The following SLFN11 variants were observed in gnomAD, a reference collection of about 807,000 sequenced individuals.
The protein encoded by SLFN11 is schlafen family member 11.
In SLFN11, 43 loss-of-function variants were observed where a neutral mutation model predicts 53.4. The observed-to-expected ratio is 0.80, with a 90% CI of 0.63 to 1.04. SLFN11 has a LOEUF of 1.04. Ranked by LOEUF, SLFN11 falls within the 50% of genes least tolerant of loss-of-function variation. The pLI, the probability that SLFN11 is intolerant of heterozygous loss-of-function variation, is 0.00. For missense variants in SLFN11, 990 were observed against 1,079.1 expected (o/e 0.92, Z 1.16); for synonymous variants, 389 against 394.7 (o/e 0.99, Z 0.17).
At chr17:35,357,171 T>TGTGG (rs1206602325) in intron 5 of SLFN11, among the ~76,000 whole-genome samples, 1 of 149,532 alleles carries the variant, frequency 6.7e-6, no homozygotes, top group Non-Finnish European at 1.5e-5. Flanking sequence ...TGTGTGTGTG[T>TGTGG]GTGTGTCTGT....
Position 35,360,343 on chromosome 17 carries a change from T to A in SLFN11, c.1098A>T (p.Glu366Asp), listed in dbSNP as rs750124007. 1.2e-6 allele frequency: 2 copies of A among 1,607,972 alleles called. No individual in the cohort carries two copies. The highest frequency in any genetic ancestry group is 2.7e-5 in the African/African-American group (2 of 74,056). The change falls in exon 5 of 7, where the codon GAA becomes GAT. Residue 366 changes from glutamate (E) to aspartate (D), a missense_variant. By Grantham distance (45) the Glu-to-Asp change is conservative. Around this residue, in one of 3 missense-constraint regions of SLFN11, gnomAD observed 521 missense variants for 516.2 expected, o/e 1.01. Coordinates refer to ENST00000685675, the MANE Select transcript of SLFN11 (RefSeq NM_001376007.1). ...PDLLQLSEDF[E>D]CQLSLSSGPP... ...GCCCACTAGATAGACTCAGCTGACA[T>A]TCAAAATCTTCAGACAACTGTAGAA... is the stretch of plus-strand genomic sequence containing the variant.
intron 1 of SLFN11, among the ~76,000 whole-genome samples, chr17:35,370,965 AC>A (rs1260621365): frequency 6.6e-6 from 1 of 152,148 alleles, no homozygotes; most frequent in Non-Finnish European, 1.5e-5. Flanking sequence ...AATAGAAAAA[AC>A]AATCCTAAAA....
chr17:35,361,014 T>G (rs1489899977), intron 4 of SLFN11, among the ~76,000 whole-genome samples: 1 of 152,122 alleles, frequency 6.6e-6, no homozygotes, highest in Non-Finnish European at 1.5e-5. Context: ...CAAAGGACAT[T>G]ATAGAGTGCA....
intron 5 of SLFN11, among the ~76,000 whole-genome samples, chr17:35,357,893 T>C (rs1235142222): frequency 4.8e-5 from 7 of 146,220 alleles, no homozygotes; most frequent in Non-Finnish European, 1.1e-4. Flanking sequence ...TATATTATAG[T>C]TATATAATTA....
At chr17:35,365,178 C>A (rs754239786) in intron 3 of SLFN11, among the ~76,000 whole-genome samples, 1 of 152,044 alleles carries the variant, frequency 6.6e-6, no homozygotes, top group African/African-American at 2.4e-5. Flanking sequence ...GTAGGCTTAT[C>A]GCTTTGGTGG....
In SLFN11 at chr17:35,353,755, C is replaced by G; in HGVS notation, c.1503G>C (p.Met501Ile). 1 of 1,527,424 alleles carries G rather than the reference C, an allele frequency of 6.5e-7. No homozygotes were observed. The highest frequency in any genetic ancestry group is 8.8e-7 in the Non-Finnish European group (1 of 1,132,812). The allele number at this position is 1,527,424 out of a possible 1,614,324, so 94.6% of individuals were successfully genotyped here. A position where few individuals can be genotyped will look rare whatever the true frequency, so the allele number is the denominator to read the frequency against. Residue 501 changes from methionine to isoleucine, a missense_variant, in exon 6 of 7, where the codon ATG becomes ATC. Around this residue, in one of 3 missense-constraint regions of SLFN11, gnomAD observed 156 missense variants for 241.9 expected, o/e 0.64. Coordinates refer to ENST00000685675, the MANE Select transcript of SLFN11 (RefSeq NM_001376007.1). ...CACACACCTTCCCGGTGTAGCCCCC[C>G]ATGTTCACTAGCTTCTGCTTCAAAG... Reference protein sequence around the residue: ...AFTLKQKLVNMGGYTGKVCVR... With the variant: ...AFTLKQKLVNIGGYTGKVCVR...
intron 1 of SLFN11, among the ~76,000 whole-genome samples, chr17:35,369,271 C>T (rs527783291): frequency 2.9e-4 from 44 of 152,222 alleles, no homozygotes; most frequent in Non-Finnish European, 5.0e-4. Context: ...GCATTCACCA[C>T]CAGTTGACTA....
At chr17:35,359,860 A>G (rs1435241765) in intron 5 of SLFN11, among the ~76,000 whole-genome samples, 1 of 152,120 alleles carries the variant, frequency 6.6e-6, no homozygotes, top group Non-Finnish European at 1.5e-5. Flanking sequence ...TAAAATCATG[A>G]GGGTAGTTTG....
At position 35,352,228 on chromosome 17, in the gene SLFN11, G is replaced by A; in HGVS notation, c.*128C>T. On this transcript the variant is annotated 3_prime_UTR_variant, in exon 7 of 7. Coordinates refer to ENST00000685675, the MANE Select transcript of SLFN11 (RefSeq NM_001376007.1). ...ACCCCTGAAAGGAGAGCCAGAAATG[G>A]GGGAGCTCCAAACTCTTTGTGTCAG... 8.2e-7 allele frequency: 1 copy of A among 1,217,644 alleles called. No homozygotes were observed. The highest frequency in any genetic ancestry group is 1.5e-5 in the African/African-American group (1 of 65,808). The allele number at this position is 1,217,644 out of a possible 1,614,324, so 75.4% of individuals were successfully genotyped here. A position where few individuals can be genotyped will look rare whatever the true frequency, so the allele number is the denominator to read the frequency against.
intron 3 of SLFN11, among the ~76,000 whole-genome samples, chr17:35,366,667 G>A (rs1341545430): frequency 6.6e-6 from 1 of 152,056 alleles, no homozygotes; most frequent in African/African-American, 2.4e-5. Context: ...GGAATTACAA[G>A]TCTCAGTGGG....
At chr17:35,365,630 T>G (rs1042307820) in intron 3 of SLFN11, among the ~76,000 whole-genome samples, 1 of 152,062 alleles carries the variant, frequency 6.6e-6, no homozygotes, top group Non-Finnish European at 1.5e-5. Flanking sequence ...GGAGACAGTT[T>G]GAAACAGACA....
chr17:35,365,278 A>T (rs551303078), intron 3 of SLFN11, among the ~76,000 whole-genome samples: 2 of 152,194 alleles, frequency 1.3e-5, no homozygotes, highest in South Asian at 4.1e-4. Context: ...GGCACTTGGT[A>T]TAAAAACAGG....
rs1907007003 is a variant in SLFN11, at chr17:35,353,380, T to G, written c.1878A>C (p.Arg626Ser). The change falls in exon 6 of 7, where the codon AGA becomes AGC. Residue 626 changes from arginine (R) to serine (S), a missense_variant. By Grantham distance (110) the Arg-to-Ser change is moderately radical. Around this residue, in one of 3 missense-constraint regions of SLFN11, gnomAD observed 156 missense variants for 241.9 expected, o/e 0.64. Transcript: ENST00000685675. ...IRNVFHCEAH[R>S]ILYVCENQPL... Reference sequence around the variant, plus strand: ...GCTGGTTTTCACAAACGTAGAGAATTCTGTGTGCCTCACAGTGAAACACAT... The same window carrying G: ...GCTGGTTTTCACAAACGTAGAGAATGCTGTGTGCCTCACAGTGAAACACAT... 4 of 1,596,092 alleles carry G rather than the reference T, an allele frequency of 2.5e-6. No homozygotes were observed. The South Asian group carries it at 4.6e-5, about 18-fold the overall frequency.
chr17:35,353,803 G>C lies in SLFN11; in HGVS notation c.1455C>G (p.Asp485Glu), dbSNP rs149238570. The change falls in exon 6 of 7, where the codon GAC (aspartate) becomes GAG (glutamate). Residue 485 changes from aspartate (D) to glutamate (E), a missense_variant. Physicochemically the swap from Asp to Glu is conservative, Grantham distance 45. Transcript: ENST00000685675. ...ILREQDAEGQ[D>E]YCTRTAFTLK... ...AAGTAAAGGCGGTGCGAGTGCAGTA[G>C]TCCTGGCCCTCTGCATCTTGCTCCC... The C allele has an allele frequency of 1.3e-4, 201 of 1,586,552 alleles. No individual in the cohort carries two copies. The African/African-American group carries it at 2.6e-3, about 21-fold the overall frequency.
intron 5 of SLFN11, among the ~76,000 whole-genome samples, chr17:35,359,667 G>A (rs1264679861): frequency 1.3e-5 from 2 of 152,126 alleles, no homozygotes; most frequent in Admixed American, 1.3e-4. Context: ...GGGAAGAAAT[G>A]CATAATCCAT....
At chr17:35,356,268 T>C (rs535327086) in intron 5 of SLFN11, among the ~76,000 whole-genome samples, 1 of 152,270 alleles carries the variant, frequency 6.6e-6, no homozygotes, top group African/African-American at 2.4e-5. Context: ...TGGATTCTAA[T>C]TGTAAAAGTA....
chr17:35,372,292 CAGA>C (rs1341913494), intron 1 of SLFN11, among the ~76,000 whole-genome samples: 1 of 151,948 alleles, frequency 6.6e-6, no homozygotes, highest in African/African-American at 2.4e-5. Flanking sequence ...ATTCTAAGAG[CAGA>C]AGGATGACTA....
intron 4 of SLFN11, 36 bp from the exon 5 acceptor site, chr17:35,360,407 A>C: frequency 6.3e-7 from 1 of 1,575,880 alleles, no homozygotes; most frequent in Non-Finnish European, 8.6e-7. Context: ...CTGACGTGTT[A>C]ATCTCTTCAT....
chr17:35,371,843 G>C (rs1408703854), intron 1 of SLFN11, among the ~76,000 whole-genome samples: 5 of 152,066 alleles, frequency 3.3e-5, no homozygotes, highest in Admixed American at 3.3e-4. Flanking sequence ...AGGATGTGAA[G>C]AAAAGGGAAC....
Sources: gnomAD v4.1 joint callset for allele counts (sites outside exome capture counted in the v4.1 genomes callset) on GRCh38, gnomAD v4.1.1 for gene constraint, gnomAD v4.1.1 regional missense constraint, MANE v1.5 for transcripts, NCBI Gene and HGNC (gene_info 2026-07-23, HGNC 2026-07-21) for gene names.